The following MDFIC variants were observed in gnomAD, a reference collection of about 807,000 sequenced individuals.
MDFIC encodes the protein MyoD family inhibitor domain containing.
In MDFIC, 17 loss-of-function variants were observed where a neutral mutation model predicts 23.2. The observed-to-expected ratio is 0.73, with a 90% confidence interval of 0.50 to 1.10. The LOEUF (loss-of-function observed/expected upper bound fraction) is 1.10, where lower values mean the gene tolerates loss of function less well. MDFIC is among the 50% of genes least tolerant of loss of function. MDFIC has a pLI of 0.00. For synonymous variants in MDFIC, 120 were observed against 115.2 expected (o/e 1.04, Z -0.27); for missense variants, 356 against 316.6 (o/e 1.12, Z -0.95).
At chr7:114,945,681 G>C (rs2594459) in intron 3 of MDFIC, among the ~76,000 whole-genome samples, 2,261 of 152,106 alleles carry the variant, frequency 0.015, 53 homozygotes, top group African/African-American at 0.051. Context: ...CGCACATTTT[G>C]GTTCTCTTTC....
At chr7:114,923,939 A>G (rs1939705711) in intron 2 of MDFIC, among the ~76,000 whole-genome samples, 1 of 152,198 alleles carries the variant, frequency 6.6e-6, no homozygotes, top group African/African-American at 2.4e-5. Context: ...CCTAGCATAT[A>G]CCCCTGATTT....
intron 4 of MDFIC, among the ~76,000 whole-genome samples, chr7:115,000,399 A>G (rs962913991): frequency 6.6e-6 from 1 of 152,196 alleles, no homozygotes; most frequent in African/African-American, 2.4e-5. Flanking sequence ...GTATTTAAAC[A>G]TAATTGGTTT....
At chr7:114,978,004 A>G (rs2115952162) in intron 3 of MDFIC, among the ~76,000 whole-genome samples, 1 of 148,186 alleles carries the variant, frequency 6.7e-6, no homozygotes, top group African/African-American at 2.4e-5. Flanking sequence ...TAATATTTAT[A>G]TTAATATTAT....
At chr7:114,922,803 A>C in intron 1 of MDFIC, 124 bp from the exon 2 acceptor site, 1 of 1,353,604 alleles carries the variant, frequency 7.4e-7, no homozygotes, top group Non-Finnish European at 9.8e-7. Flanking sequence ...GCAAGTTTCA[A>C]ATCAAAACTT....
chr7:115,000,852 C>T (rs1202224003), intron 4 of MDFIC, among the ~76,000 whole-genome samples: 1 of 152,106 alleles, frequency 6.6e-6, no homozygotes, highest in African/African-American at 2.4e-5. Context: ...TTTAAATTTC[C>T]ATAAATAAGT....
At chr7:115,008,653 G>C (rs928015807) in intron 4 of MDFIC, among the ~76,000 whole-genome samples, 1 of 152,134 alleles carries the variant, frequency 6.6e-6, no homozygotes, top group Non-Finnish European at 1.5e-5. Flanking sequence ...CTGAGCTACC[G>C]TGTGGTATTA....
intron 4 of MDFIC, among the ~76,000 whole-genome samples, chr7:114,984,789 T>C (rs1353550160): frequency 6.6e-6 from 1 of 152,328 alleles, no homozygotes; most frequent in South Asian, 2.1e-4. Flanking sequence ...CTTAGTATGT[T>C]TTACATGTGC....
At chr7:114,939,040 C>A (rs891844238) in intron 2 of MDFIC, among the ~76,000 whole-genome samples, 7 of 152,172 alleles carry the variant, frequency 4.6e-5, no homozygotes, top group African/African-American at 1.7e-4. Context: ...TTACAATTAT[C>A]TATCAATAAA....
intron 2 of MDFIC, among the ~76,000 whole-genome samples, chr7:114,925,361 C>T (rs1792169241): frequency 6.6e-6 from 1 of 152,170 alleles, no homozygotes; most frequent in Admixed American, 6.5e-5. Context: ...TTCAATTCTA[C>T]ATCCTTTTAG....
chr7:114,957,453 A>C (rs7802986), intron 3 of MDFIC, among the ~76,000 whole-genome samples: 1 of 151,908 alleles, frequency 6.6e-6, no homozygotes, highest in East Asian at 1.9e-4. Flanking sequence ...TGTTCTTGGC[A>C]TAAAGCAAAG....
rs554966319 is a variant in MDFIC, at chr7:114,946,265, C to T, written c.217+3868C>T. Among the ~76,000 whole-genome samples, 90 of 151,256 alleles carry T rather than the reference C, an allele frequency of 6.0e-4. 1 individual carries two copies. Among genetic ancestry groups the T allele is most frequent in the Non-Finnish European group, 9.7e-4 (66 of 67,854 alleles). On this transcript the variant is annotated intron_variant, in intron 3 of 4. Transcript: ENST00000393486. ...GTGTGTGTGTGTGTGTGTTACTGTG[C>T]TTACACTCAGGCATGTGTAATATTT...
chr7:114,929,548 G>A lies in MDFIC; in HGVS notation c.94+6421G>A, dbSNP rs547111560. 2.6e-5 allele frequency among the ~76,000 whole-genome samples: 4 copies of A among 152,278 alleles called. No homozygotes were observed. The East Asian group carries it at 5.8e-4, about 22-fold the overall frequency. ...GGTGGTTGGGTAAAATATTTTATAA[G>A]GGAGATGGTGGAAAAGTAGAAATTT... is the stretch of plus-strand genomic sequence containing the variant. On this transcript the variant is annotated intron_variant, in intron 2 of 4. Transcript: ENST00000393486.
chr7:114,994,479 G>A (rs982850815), intron 4 of MDFIC, among the ~76,000 whole-genome samples: 8 of 152,168 alleles, frequency 5.3e-5, no homozygotes, highest in Non-Finnish European at 1.2e-4. Context: ...TTTTTGCAGT[G>A]GCTGGTACCA....
Position 114,922,587 on chromosome 7 carries a change from G to T in MDFIC, c.-157G>T. ...TCGCTAACTTTCCGGGGCGGAAGAG[G>T]AGGAGGAGGAGGAGGAAGGGGCTTG... On this transcript the variant is annotated 5_prime_UTR_variant, in exon 1 of 5. Transcript: ENST00000393486. The T allele has an allele frequency of 2.4e-6, 3 of 1,265,826 alleles. No homozygotes were observed. Among genetic ancestry groups the T allele is most frequent in the Non-Finnish European group, 3.0e-6 (3 of 997,926 alleles). The allele number at this position is 1,265,826 out of a possible 1,614,324, so 78.4% of individuals were successfully genotyped here.
intron 4 of MDFIC, among the ~76,000 whole-genome samples, chr7:115,006,363 T>C (rs1221434553): frequency 6.6e-6 from 1 of 152,220 alleles, no homozygotes; most frequent in Admixed American, 6.5e-5. Flanking sequence ...CTAGGTGACC[T>C]GGCCAACCCT....
chr7:114,938,082 A>G (rs2115740115), intron 2 of MDFIC, among the ~76,000 whole-genome samples: 1 of 152,222 alleles, frequency 6.6e-6, no homozygotes, highest in South Asian at 2.1e-4. Context: ...TCAGCCTCCC[A>G]AGTGGCTGAG....
intron 2 of MDFIC, among the ~76,000 whole-genome samples, chr7:114,937,043 C>G (rs1414489148): frequency 6.6e-6 from 1 of 152,028 alleles, no homozygotes; most frequent in Admixed American, 6.5e-5. Flanking sequence ...TAATCACCAT[C>G]TTAATATTTT....
In MDFIC at chr7:114,922,169, G is replaced by A. The variant is rs562302009; in HGVS notation, c.-575G>A. 6.7e-4 allele frequency: 251 copies of A among 374,360 alleles called. 1 individual carries two copies. The highest frequency in any genetic ancestry group is 4.8e-3 in the African/African-American group (232 of 48,060). The allele number at this position is 374,360 out of a possible 1,614,324, so 23.2% of individuals were successfully genotyped here. A position where few individuals can be genotyped will look rare whatever the true frequency, so the allele number is the denominator to read the frequency against. On this transcript the variant is annotated 5_prime_UTR_variant, in exon 1 of 5. Transcript: ENST00000393486. Reference sequence around the variant, plus strand: ...CCCGAGCCAGCCCAGGCCGGCTCTGGCCTCCTGACCCAGACAGCGCAGGGC... The same window carrying A: ...CCCGAGCCAGCCCAGGCCGGCTCTGACCTCCTGACCCAGACAGCGCAGGGC...
intron 2 of MDFIC, chr7:114,923,645 G>T: frequency 1.4e-6 from 2 of 1,424,754 alleles, no homozygotes; most frequent in South Asian, 1.5e-5. Flanking sequence ...AATAAACAAG[G>T]TTTATAAGAA....
Sources: gnomAD v4.1 joint callset for allele counts (sites outside exome capture counted in the v4.1 genomes callset) on GRCh38, gnomAD v4.1.1 for gene constraint, MANE v1.5 for transcripts, NCBI Gene and HGNC (gene_info 2026-07-23, HGNC 2026-07-21) for gene names.